ARHGEF28: variants seen among roughly 807,000 people sequenced by gnomAD.
ARHGEF28 encodes the protein 190 kDa guanine nucleotide exchange factor.
In ARHGEF28, 152 loss-of-function variants were observed where a neutral mutation model predicts 206.6. That is an observed-to-expected ratio of 0.74 (90% confidence interval 0.64 to 0.84). The LOEUF (loss-of-function observed/expected upper bound fraction) is 0.84, where lower values mean the gene tolerates loss of function less well. Ranked by LOEUF, ARHGEF28 falls within the 40% of genes least tolerant of loss-of-function variation. The pLI is 0.00. For missense variants in ARHGEF28, 2,028 were observed against 2,073.2 expected, an observed-to-expected ratio of 0.98 and a Z score of 0.42; for synonymous variants, 763 against 776.4, an observed-to-expected ratio of 0.98 and a Z score of 0.29.
Position 73,839,887 on chromosome 5 carries a change from T to C in ARHGEF28, c.1147-593T>C, listed in dbSNP as rs527960899. On this transcript the variant is annotated intron_variant, in intron 10 of 35. Coordinates refer to ENST00000513042, the MANE Select transcript of ARHGEF28 (RefSeq NM_001177693.2). ...CAGCTTTATGTGACCACTATTACCT[T>C]GGTACCCAGATTCCTATGAGCTACT... Among the ~76,000 whole-genome samples the C allele has an allele frequency of 1.4e-4, 22 of 152,342 alleles. No individual in the cohort carries two copies. In the South Asian group the frequency reaches 4.6e-3, roughly 32 times the overall value.
intron 9 of ARHGEF28, among the ~76,000 whole-genome samples, chr5:73,806,427 ATATAGTATGTATATAG>A (rs1212723296): frequency 7.8e-6 from 1 of 128,712 alleles, no homozygotes; most frequent in Admixed American, 8.2e-5. Flanking sequence ...TATATACTAT[ATATAGTATGTATATAG>A]TATATATCTA....
intron 2 of ARHGEF28, among the ~76,000 whole-genome samples, chr5:73,736,418 C>T (rs974744860): frequency 4.6e-5 from 7 of 152,158 alleles, no homozygotes; most frequent in Admixed American, 6.5e-5. Flanking sequence ...GCATTTACCT[C>T]TCGAAGTCTC....
rs890555533 is a variant in ARHGEF28, at chr5:73,712,812, C to T, written c.33+27928C>T. On this transcript the variant is annotated intron_variant, in intron 2 of 35. Coordinates refer to ENST00000513042, the MANE Select transcript of ARHGEF28 (RefSeq NM_001177693.2). The stretch of plus-strand genomic sequence containing the variant: ...GGCTCATAACCTAGTTCATGAGTTG[C>T]CCTTCTTTTAATCTTGTTTGGAGGA... 2.0e-5 allele frequency among the ~76,000 whole-genome samples: 3 copies of T among 152,038 alleles called. No individual in the cohort carries two copies. The South Asian group carries it at 6.2e-4, about 32-fold the overall frequency.
chr5:73,802,562 G>C (rs79993844), intron 9 of ARHGEF28, among the ~76,000 whole-genome samples: 5 of 152,080 alleles, frequency 3.3e-5, no homozygotes, highest in Admixed American at 3.3e-4. Context: ...CAGATTTCAT[G>C]TATTCCATTC....
At chr5:73,655,889 G>T (rs1315537844) in intron 1 of ARHGEF28, among the ~76,000 whole-genome samples, 2 of 152,194 alleles carry the variant, frequency 1.3e-5, no homozygotes, top group African/African-American at 2.4e-5. Context: ...GAGTTTGGGG[G>T]CGGTTTTCTC....
At chr5:73,764,428 C>T (rs1752784866) in intron 4 of ARHGEF28, among the ~76,000 whole-genome samples, 1 of 152,112 alleles carries the variant, frequency 6.6e-6, no homozygotes. Flanking sequence ...GTATTCGTTC[C>T]ACAAGCTAAA....
In ARHGEF28 at chr5:73,773,586, T is replaced by C. The variant is rs138737018; in HGVS notation, c.476-269T>C. 6.6e-3 allele frequency among the ~76,000 whole-genome samples: 1,011 copies of C among 152,302 alleles called. 8 individuals carry two copies. Among genetic ancestry groups the C allele is most frequent in the African/African-American group, 0.023 (951 of 41,558 alleles). On this transcript the variant is annotated intron_variant, in intron 4 of 35. Coordinates refer to ENST00000513042, the MANE Select transcript of ARHGEF28 (RefSeq NM_001177693.2). ...ACTGCACTGCATGTCTAGTGAAAGA[T>C]GACGTGAATGTGTAGTGCAATGGGT... is the stretch of plus-strand genomic sequence containing the variant.
rs571370843 is a variant in ARHGEF28 at position 73,842,792 on chromosome 5, G to A, written c.1427+2032G>A. ...TCAGGAGTTTGAGACCAGCCTAGGC[G>A]GCCAACACGGTGAAACTCCCGCTCT... On this transcript the variant is annotated intron_variant, in intron 11 of 35. Transcript: ENST00000513042. Among the ~76,000 whole-genome samples the A allele has an allele frequency of 2.6e-5, 4 of 152,048 alleles. No homozygotes were observed. In the East Asian group the frequency reaches 5.8e-4, roughly 22 times the overall value.
intron 13 of ARHGEF28, among the ~76,000 whole-genome samples, chr5:73,850,584 T>G (rs76970070): frequency 0.077 from 11,729 of 152,184 alleles, 511 homozygotes; most frequent in African/African-American, 0.1. Context: ...AAGTTTTCTG[T>G]GCTTCAAATT....
At chr5:73,806,148 C>T (rs1486844894) in intron 9 of ARHGEF28, among the ~76,000 whole-genome samples, 1 of 149,024 alleles carries the variant, frequency 6.7e-6, no homozygotes, top group Non-Finnish European at 1.5e-5. Flanking sequence ...TCATAGTTAC[C>T]TCATAGTTAA....
chr5:73,759,968 A>C (rs899086609), intron 4 of ARHGEF28, among the ~76,000 whole-genome samples: 26 of 152,210 alleles, frequency 1.7e-4, no homozygotes, highest in African/African-American at 6.3e-4. Context: ...AGATTTGTTT[A>C]ATGTTTGAAA....
intron 35 of ARHGEF28, among the ~76,000 whole-genome samples, chr5:73,936,445 G>GAT (rs887658554): frequency 6.6e-6 from 1 of 152,218 alleles, no homozygotes; most frequent in African/African-American, 2.4e-5. Context: ...ACCTGCGTCA[G>GAT]ATAATGAACT....
At chr5:73,859,695 G>A (rs1367507697) in intron 16 of ARHGEF28, among the ~76,000 whole-genome samples, 1 of 152,132 alleles carries the variant, frequency 6.6e-6, no homozygotes, top group Non-Finnish European at 1.5e-5. Flanking sequence ...TATCGTTTAT[G>A]GGTTGTTTCT....
intron 9 of ARHGEF28, among the ~76,000 whole-genome samples, chr5:73,825,255 A>C (rs1756835639): frequency 6.6e-6 from 1 of 152,222 alleles, no homozygotes; most frequent in South Asian, 2.1e-4. Flanking sequence ...CATTTCATAT[A>C]AGATGATCAG....
chr5:73,635,454 A>G (rs1046806517), intron 1 of ARHGEF28, among the ~76,000 whole-genome samples: 1 of 152,214 alleles, frequency 6.6e-6, no homozygotes, highest in African/African-American at 2.4e-5. Flanking sequence ...ATTGAAAGTA[A>G]TCTCTTCATA....
At chr5:73,689,859 AG>A (rs1381187562) in intron 2 of ARHGEF28, among the ~76,000 whole-genome samples, 1 of 152,034 alleles carries the variant, frequency 6.6e-6, no homozygotes, top group East Asian at 1.9e-4. Context: ...CAATAGTATT[AG>A]GAGGTGTATT....
chr5:73,748,369 TG>T (rs1561375986), intron 2 of ARHGEF28, among the ~76,000 whole-genome samples: 1 of 152,254 alleles, frequency 6.6e-6, no homozygotes, highest in Admixed American at 6.5e-5. Context: ...CTCTATACTT[TG>T]TATTTATACC....
chr5:73,909,168 T>C (rs1762718170), intron 33 of ARHGEF28: 5 of 412,474 alleles, frequency 1.2e-5, no homozygotes, highest in South Asian at 1.4e-4. Flanking sequence ...GAGGATGATA[T>C]TGCTTTTGGG....
chr5:73,870,494 G>A (rs1252150180), intron 21 of ARHGEF28, among the ~76,000 whole-genome samples: 2 of 152,124 alleles, frequency 1.3e-5, no homozygotes, highest in Non-Finnish European at 1.5e-5. Flanking sequence ...TATGTACCTG[G>A]CACAGAGCAA....
Sources: gnomAD v4.1 joint callset for allele counts (sites outside exome capture counted in the v4.1 genomes callset) on GRCh38, gnomAD v4.1.1 for gene constraint, MANE v1.5 for transcripts, NCBI Gene and HGNC (gene_info 2026-07-23, HGNC 2026-07-21) for gene names.